The following WDR46 variants were observed in gnomAD, a reference collection of about 807,000 sequenced individuals.
The protein encoded by WDR46 is WD repeat-containing protein 46.
A neutral mutation model predicts 74.7 loss-of-function variants in WDR46; 58 were observed. The observed-to-expected ratio is 0.78, with a 90% CI of 0.63 to 0.97. WDR46 has a LOEUF of 0.97. WDR46 is among the 50% of genes least tolerant of loss of function. The pLI, the probability that WDR46 is intolerant of heterozygous loss-of-function variation, is 0.00. For synonymous variants in WDR46, 278 were observed against 297.3 expected (o/e 0.93, Z 0.67); for missense variants, 702 against 790.1 (o/e 0.89, Z 1.34).
rs1264175393 is a variant in WDR46 at position 33,287,994 on chromosome 6, G to A, written c.594C>T (p.Pro198=). 1 of 1,614,156 alleles carries A rather than the reference G, an allele frequency of 6.2e-7. No individual in the cohort carries two copies. The highest frequency in any genetic ancestry group is 1.7e-5 in the Admixed American group (1 of 60,020). ...HFDLNLRQFG[P]YRLNYSRTGR... The stretch of plus-strand genomic sequence containing the variant: ...CAGTTCGAGAGTAGTTTAGTCTGTA[G>A]GGTCCAAACTGCCGCAGATTCAAGT... The change falls in exon 6 of 15, where the codon CCC becomes CCT. Residue 198 remains proline, a synonymous_variant. Transcript: ENST00000374617.
At chr6:33,283,893 G>A (rs756143415) in intron 10 of WDR46, among the ~76,000 whole-genome samples, 15 of 151,950 alleles carry the variant, frequency 9.9e-5, no homozygotes, top group East Asian at 1.9e-4. Context: ...TCAAGACTCC[G>A]TCTCGAAAAA....
intron 10 of WDR46, among the ~76,000 whole-genome samples, chr6:33,281,669 G>T (rs752287900): frequency 1.3e-5 from 2 of 152,182 alleles, no homozygotes; most frequent in Admixed American, 6.5e-5. Context: ...CAAAGTGAAG[G>T]CTCCAAGGAC....
intron 10 of WDR46, among the ~76,000 whole-genome samples, chr6:33,282,088 C>G (rs937502516): frequency 6.6e-6 from 1 of 152,174 alleles, no homozygotes; most frequent in South Asian, 2.1e-4. Context: ...TCCCAGAGTG[C>G]TGGGATTACA....
rs1158595694 is a variant in WDR46 at position 33,288,786 on chromosome 6, A to G, written c.279+18T>C. ...AACGAGGCGGCCTGCCTCGCCACCC[A>G]TCAGGTCCCACGCTCACCCCGGACA... is the stretch of plus-strand genomic sequence containing the variant. On this transcript the variant is annotated intron_variant, in intron 2 of 14. Transcript: ENST00000374617. 3.1e-6 allele frequency: 5 copies of G among 1,613,654 alleles called. No homozygotes were observed. The South Asian group carries it at 3.3e-5, about 11-fold the overall frequency.
chr6:33,289,116 G>T lies in WDR46; in HGVS notation c.55C>A (p.Gln19Lys), dbSNP rs775067332. 7.4e-6 allele frequency: 12 copies of T among 1,612,566 alleles called. No homozygotes were observed. Among genetic ancestry groups the T allele is most frequent in the African/African-American group, 1.3e-5 (1 of 74,466 alleles). ...KDVPPKKDKL[Q>K]TKRKKPRRYW... ...GAGGCCTCTACCTTTCTCTTGGTCTGAAGTTTGTCTTTCTTGGGCGGGACA... is the reference window on the plus strand; with the variant it reads ...GAGGCCTCTACCTTTCTCTTGGTCTTAAGTTTGTCTTTCTTGGGCGGGACA... The change falls in exon 1 of 15, where the codon CAG becomes AAG. Residue 19 changes from glutamine to lysine, a missense_variant. Gln to Lys is a moderately conservative substitution (Grantham distance 53, BLOSUM62 1). Coordinates refer to ENST00000374617, the MANE Select transcript of WDR46 (RefSeq NM_005452.6).
chr6:33,283,476 G>A (rs562846271), intron 10 of WDR46, among the ~76,000 whole-genome samples: 1 of 152,222 alleles, frequency 6.6e-6, no homozygotes, highest in East Asian at 1.9e-4. Flanking sequence ...GTGTACCTGA[G>A]TCAAATTCTG....
At chr6:33,286,925 T>C in intron 9 of WDR46, 31 bp from the exon 10 acceptor site, 1 of 1,611,912 alleles carries the variant, frequency 6.2e-7, no homozygotes, top group South Asian at 1.1e-5. Context: ...AAGTTGCTAA[T>C]ACACACCTAA....
In WDR46 at chr6:33,279,840, C is replaced by T. The variant is rs774193035; in HGVS notation, c.1544G>A (p.Cys515Tyr). The T allele has an allele frequency of 2.5e-6, 4 of 1,613,914 alleles. No homozygotes were observed. Among genetic ancestry groups the T allele is most frequent in the African/African-American group, 1.3e-5 (1 of 74,914 alleles). The change falls in exon 13 of 15, where the codon TGT becomes TAT. Residue 515 changes from cysteine (C) to tyrosine (Y), a missense_variant. By Grantham distance (194) the Cys-to-Tyr change is radical (BLOSUM62 -2). Transcript: ENST00000374617. ...LLEKVPAELI[C>Y]LDPRALAEVD... ...CTCGGCCAGGGCTCGTGGGTCCAGACAAATAAGCTCTGCAGGTACCTGGGG... is the reference window on the plus strand; with the variant it reads ...CTCGGCCAGGGCTCGTGGGTCCAGATAAATAAGCTCTGCAGGTACCTGGGG...
At chr6:33,287,754 A>G in intron 6 of WDR46, 36 bp from the exon 7 acceptor site, 1 of 1,609,066 alleles carries the variant, frequency 6.2e-7, no homozygotes, top group Non-Finnish European at 8.5e-7. Context: ...GTGTTAAGGC[A>G]GGGGACCACC....
At position 33,287,964 on chromosome 6, in the gene WDR46, C is replaced by T; in HGVS notation, c.623+1G>A. The stretch of plus-strand genomic sequence containing the variant: ...CAAGAGTCACTAGAATTCAACCTTA[C>T]CTTCCAGTTCGAGAGTAGTTTAGTC... On this transcript the variant is annotated splice_donor_variant, in intron 6 of 14. Transcript: ENST00000374617. LOFTEE classifies it high-confidence loss of function. 1 of 1,614,100 alleles carries T rather than the reference C, an allele frequency of 6.2e-7. No individual in the cohort carries two copies. The highest frequency in any genetic ancestry group is 2.2e-5 in the East Asian group (1 of 44,886).
At position 33,280,742 on chromosome 6, in the gene WDR46, T is replaced by C; in HGVS notation, c.1361A>G (p.Gln454Arg). The part of the protein sequence containing the change: ...HRLSGPVHGL[Q>R]FCPFEDVLGV... ...CAGCACATCTTCAAAGGGGCAGAAC[T>C]GAAGGCCATGCACAGGGCCTGAGAG... Residue 454 changes from glutamine (Q) to arginine (R), a missense_variant, in exon 11 of 15, where the codon CAG becomes CGG. By Grantham distance (43) the Gln-to-Arg change is conservative (BLOSUM62 1). Transcript: ENST00000374617. The C allele has an allele frequency of 6.2e-7, 1 of 1,611,770 alleles. No homozygotes were observed. The highest frequency in any genetic ancestry group is 8.5e-7 in the Non-Finnish European group (1 of 1,178,570).
At chr6:33,280,396 G>GAATCTCACCCTCTCCA in intron 12 of WDR46, 32 bp downstream of exon 12, 1 of 1,548,352 alleles carries the variant, frequency 6.5e-7, no homozygotes, top group South Asian at 1.2e-5. Context: ...GCAATGGGGG[G>GAATCTCACCCTCTCCA]GATCTCACCC....
chr6:33,287,549 G>A (rs753582549), intron 7 of WDR46, 44 bp from the exon 8 acceptor site: 5 of 1,613,726 alleles, frequency 3.1e-6, no homozygotes, highest in South Asian at 2.2e-5. Context: ...TGAGGTCACA[G>A]GCTATCATTC....
chr6:33,289,220 C>A lies in WDR46; in HGVS notation c.-50G>T. The A allele has an allele frequency of 1.3e-6, 2 of 1,580,528 alleles. No homozygotes were observed. Among genetic ancestry groups the A allele is most frequent in the South Asian group, 1.1e-5 (1 of 87,942 alleles). ...CGTGCAAAACTCCTCTCAGCTGCCA[C>A]ACAGTCGGCTTGAAAACTCCCGGAA... On this transcript the variant is annotated 5_prime_UTR_variant, in exon 1 of 15. Coordinates refer to ENST00000374617, the MANE Select transcript of WDR46 (RefSeq NM_005452.6).
chr6:33,284,993 A>G (rs983847742), intron 10 of WDR46, among the ~76,000 whole-genome samples: 2 of 152,182 alleles, frequency 1.3e-5, no homozygotes, highest in African/African-American at 2.4e-5. Flanking sequence ...AGCACCTCAC[A>G]TATCACCTAT....
chr6:33,280,871 T>G lies in WDR46; in HGVS notation c.1232A>C (p.Gln411Pro), dbSNP rs1264019389. 8 of 1,614,066 alleles carry G rather than the reference T, an allele frequency of 5.0e-6. No homozygotes were observed. Among genetic ancestry groups the G allele is most frequent in the Non-Finnish European group, 6.8e-6 (8 of 1,180,042 alleles). ...CATTCCCGCCACCAGCAGTCCCCTC[T>G]GGGAGAAGGCCAGGTGCCCTGCTCC... is the stretch of plus-strand genomic sequence containing the variant. ...PHGAGHLAFSQRGLLVAGMGD... is the reference protein window; with the variant it reads ...PHGAGHLAFSPRGLLVAGMGD... The change falls in exon 11 of 15, where the codon CAG (glutamine) becomes CCG (proline). Residue 411 changes from glutamine (Q) to proline (P), a missense_variant. Gln to Pro is a moderately conservative substitution (Grantham distance 76). Coordinates refer to ENST00000374617, the MANE Select transcript of WDR46 (RefSeq NM_005452.6).
Position 33,287,506 on chromosome 6 carries a change from C to T in WDR46, c.729-1G>A, listed in dbSNP as rs1562631540. ...AAGCAGTGCCTCAGAATGGAGAAAC[C>T]TGGGGGAGAGGAAGAGTGGTTCAAT... On this transcript the variant is annotated splice_acceptor_variant, in intron 7 of 14. Transcript: ENST00000374617. LOFTEE classifies it high-confidence loss of function. The T allele has an allele frequency of 6.2e-7, 1 of 1,613,380 alleles. No individual in the cohort carries two copies. Among genetic ancestry groups the T allele is most frequent in the Admixed American group, 1.7e-5 (1 of 59,884 alleles).
At chr6:33,281,760 G>A (rs1412216491) in intron 10 of WDR46, among the ~76,000 whole-genome samples, 1 of 152,216 alleles carries the variant, frequency 6.6e-6, no homozygotes, top group Non-Finnish European at 1.5e-5. Flanking sequence ...TTCCCTGGAA[G>A]GAAGGAGGGA....
In WDR46 at chr6:33,281,943, C is replaced by T. The variant is rs139286353; in HGVS notation, c.1116-956G>A. ...CTGCCTCCCTGGTTCAAGTGATTCT[C>T]GTGCCTCAGCCTCCCAAGTAGCTGG... On this transcript the variant is annotated intron_variant, in intron 10 of 14. Coordinates refer to ENST00000374617, the MANE Select transcript of WDR46 (RefSeq NM_005452.6). Among the ~76,000 whole-genome samples the T allele has an allele frequency of 4.5e-3, 678 of 152,340 alleles. 4 individuals are homozygous for T. Among genetic ancestry groups the T allele is most frequent in the Middle Eastern group, 0.01 (3 of 294 alleles).
Sources: allele counts gnomAD v4.1 joint callset (sites outside exome capture counted in the v4.1 genomes callset), GRCh38; gene constraint gnomAD v4.1.1; transcripts MANE v1.5; gene names NCBI Gene and HGNC (gene_info 2026-07-23, HGNC 2026-07-21).